ANXA8: variants seen among roughly 807,000 people sequenced by gnomAD.
ANXA8 encodes the protein VAC-beta.
In ANXA8, 9 loss-of-function variants were observed where a neutral mutation model predicts 26.8. The observed-to-expected ratio is 0.34, with a 90% CI of 0.20 to 0.59. The LOEUF (loss-of-function observed/expected upper bound fraction) is 0.59, where lower values mean the gene tolerates loss of function less well. ANXA8 is among the 20% of genes least tolerant of loss of function. The probability of loss-of-function intolerance (pLI) is 0.84; values close to 1 mark genes in which losing one functional copy is unlikely to be tolerated. For synonymous variants in ANXA8, 39 were observed against 94.8 expected (o/e 0.41, Z 3.42); for missense variants, 83 against 238.5 (o/e 0.35, Z 4.29).
chr10:47,562,110 TTTG>T, the ANXA8 span, among the ~76,000 whole-genome samples: 1 of 151,926 alleles, frequency 6.6e-6, no homozygotes, highest in Non-Finnish European at 1.5e-5. Context: ...CTAAATATGA[TTTG>T]TTTTTACAGT....
the ANXA8 span, among the ~76,000 whole-genome samples, chr10:47,681,936 A>G: frequency 7.8e-6 from 1 of 128,782 alleles, no homozygotes; most frequent in Non-Finnish European, 1.6e-5. Flanking sequence ...TAGGCGTGAC[A>G]TTGGACAAAT....
chr10:47,681,365 T>C, the ANXA8 span, among the ~76,000 whole-genome samples: 1 of 150,986 alleles, frequency 6.6e-6, no homozygotes, highest in Non-Finnish European at 1.5e-5. Context: ...AGTTCTTTTT[T>C]TTTTTTTAAT....
chr10:47,654,312 A>T, the ANXA8 span, among the ~76,000 whole-genome samples: 9 of 143,504 alleles, frequency 6.3e-5, no homozygotes, highest in Non-Finnish European at 1.3e-4. Flanking sequence ...TTTGAGGAGG[A>T]TGAAAGGTCA....
the ANXA8 span, among the ~76,000 whole-genome samples, chr10:47,589,903 T>TGATAGATGATA: frequency 1.0e-3 from 131 of 125,708 alleles, 3 homozygotes; most frequent in Non-Finnish European, 3.3e-4. Context: ...GATAGATAGA[T>TGATAGATGATA]GATAGATAGA....
the ANXA8 span, among the ~76,000 whole-genome samples, chr10:47,644,950 G>T: frequency 2.0e-5 from 3 of 151,562 alleles, no homozygotes; most frequent in African/African-American, 4.9e-5. Context: ...AATCCATATT[G>T]CTCCTTCTTG....
the ANXA8 span, among the ~76,000 whole-genome samples, chr10:47,756,622 G>T: frequency 6.6e-6 from 1 of 152,238 alleles, no homozygotes; most frequent in Non-Finnish European, 1.5e-5. Flanking sequence ...ACAGTGGAAG[G>T]TCTGGATCCT....
the ANXA8 span, among the ~76,000 whole-genome samples, chr10:47,980,212 A>C: frequency 6.6e-6 from 1 of 151,538 alleles, no homozygotes; most frequent in African/African-American, 2.4e-5. Context: ...AAAATTAGAA[A>C]ATTATTTGAA....
the ANXA8 span, among the ~76,000 whole-genome samples, chr10:47,723,521 T>C: frequency 2.0e-5 from 2 of 98,854 alleles, no homozygotes; most frequent in South Asian, 3.5e-4. Context: ...CTCTAACTGC[T>C]CTCAGTTATA....
chr10:47,776,605 A>G, the ANXA8 span, among the ~76,000 whole-genome samples: 1 of 152,026 alleles, frequency 6.6e-6, no homozygotes, highest in South Asian at 2.1e-4. Context: ...TCCCAGATAA[A>G]GTATTTATCA....
chr10:47,509,158 T>C, the ANXA8 span, among the ~76,000 whole-genome samples: 11 of 134,112 alleles, frequency 8.2e-5, 3 homozygotes, highest in Non-Finnish European at 1.4e-4. Flanking sequence ...AAAATTAATC[T>C]TCAAAGCTGC....
At chr10:47,621,687 G>A in the ANXA8 span, among the ~76,000 whole-genome samples, 44 of 105,834 alleles carry the variant, frequency 4.2e-4, 10 homozygotes, top group South Asian at 0.011. Context: ...TAATTAACCT[G>A]GCTGCTCTGA....
At chr10:47,599,937 C>G in the ANXA8 span, 2 of 150,022 alleles carry the variant, frequency 1.3e-5, no homozygotes, top group East Asian at 3.9e-4. Flanking sequence ...CACCCTGTCC[C>G]TTGCCTGGCA....
the ANXA8 span, among the ~76,000 whole-genome samples, chr10:47,735,259 C>A: frequency 7.4e-4 from 104 of 140,932 alleles, 1 homozygote; most frequent in Non-Finnish European, 1.3e-3. Context: ...ACCACAACAA[C>A]TGATTTTTTA....
chr10:47,626,766 T>C, the ANXA8 span, among the ~76,000 whole-genome samples: 10 of 150,330 alleles, frequency 6.7e-5, 1 homozygote, highest in African/African-American at 2.3e-4. Flanking sequence ...CTATTGTCTA[T>C]GTTCATCAGG....
At chr10:47,715,916 C>T in the ANXA8 span, 1 of 797,772 alleles carries the variant, frequency 1.3e-6, no homozygotes, top group African/African-American at 2.0e-5. Flanking sequence ...CAGAGTCTTG[C>T]TCTGTTGCTC....
At chr10:47,513,095 G>T in the ANXA8 span, among the ~76,000 whole-genome samples, 1 of 144,480 alleles carries the variant, frequency 6.9e-6, no homozygotes, top group Non-Finnish European at 1.5e-5. Context: ...TATGCAATGC[G>T]GTGATCTTGG....
the ANXA8 span, among the ~76,000 whole-genome samples, chr10:47,909,701 G>A: frequency 2.4e-3 from 150 of 61,358 alleles, 29 homozygotes; most frequent in East Asian, 0.018. Context: ...AGTTCAGTTG[G>A]ACTCATAGCT....
the ANXA8 span, among the ~76,000 whole-genome samples, chr10:47,981,220 G>A: frequency 6.6e-6 from 1 of 151,286 alleles, no homozygotes; most frequent in Non-Finnish European, 1.5e-5. Context: ...CTCAATAGAT[G>A]CAGAAAAAAC....
chr10:47,742,431 TCA>T, the ANXA8 span, among the ~76,000 whole-genome samples: 3 of 150,890 alleles, frequency 2.0e-5, no homozygotes, highest in African/African-American at 7.3e-5. Context: ...TCCATTATCA[TCA>T]CTTGTATTCA....
Sources: gnomAD v4.1 joint callset for allele counts (sites outside exome capture counted in the v4.1 genomes callset) on GRCh38, gnomAD v4.1.1 for gene constraint, MANE v1.5 for transcripts, NCBI Gene and HGNC (gene_info 2026-07-23, HGNC 2026-07-21) for gene names.